CNIH3: variants seen among roughly 807,000 people sequenced by gnomAD.
CNIH3 encodes the protein cornichon family AMPA receptor auxiliary protein 3, also known as protein cornichon homolog 3.
In CNIH3, 14 loss-of-function variants were observed where a neutral mutation model predicts 24.1. The ratio of observed to expected loss-of-function variants is 0.58; its 90% CI spans 0.38 to 0.91. The LOEUF is 0.91. CNIH3 is among the 40% of genes least tolerant of loss of function. The probability of loss-of-function intolerance (pLI) is 0.00; values close to 1 mark genes in which losing one functional copy is unlikely to be tolerated. For synonymous variants in CNIH3, 68 were observed against 73.8 expected, an observed-to-expected ratio of 0.92 and a Z score of 0.40; for missense variants, 178 against 196.8, an observed-to-expected ratio of 0.90 and a Z score of 0.57.
intron 3 of CNIH3, among the ~76,000 whole-genome samples, chr1:224,553,472 C>T (rs1321887218): frequency 6.6e-6 from 1 of 152,108 alleles, no homozygotes; most frequent in Non-Finnish European, 1.5e-5. Flanking sequence ...CACTGGGAGA[C>T]CTCTGGTGCG....
In CNIH3 at chr1:224,458,174, T is replaced by A. The variant is rs1675757880; in HGVS notation, n.203+23312T>A. On this transcript the variant is annotated intron_variant and non_coding_transcript_variant, in intron 1 of 5. Transcript: ENST00000471578. This position sits in a 1 kb window ranked among gnomAD's most constrained non-coding sequence, Gnocchi z 4.3. ...TGACGTACGGCTGGATTCACTCTGA[T>A]CTCATTCACTGACAGTGGTGGGAGA... Among the ~76,000 whole-genome samples, 1 of 152,212 alleles carries A rather than the reference T, an allele frequency of 6.6e-6. No homozygotes were observed. Among genetic ancestry groups the A allele is most frequent in the South Asian group, 2.1e-4 (1 of 4,832 alleles).
At chr1:224,486,840 T>C (rs1677049999) in intron 1 of CNIH3, among the ~76,000 whole-genome samples, 1 of 152,232 alleles carries the variant, frequency 6.6e-6, no homozygotes, top group African/African-American at 2.4e-5. Context: ...TGATGCACAG[T>C]ACTAACGCAA....
chr1:224,608,086 G>T (rs1022396707), intron 3 of CNIH3, among the ~76,000 whole-genome samples: 9 of 152,096 alleles, frequency 5.9e-5, no homozygotes, highest in Admixed American at 4.6e-4. Context: ...TCAACCAAGG[G>T]GCATAAGGCA....
At chr1:224,728,950 G>A (rs1689176368) in intron 3 of CNIH3, among the ~76,000 whole-genome samples, 1 of 152,180 alleles carries the variant, frequency 6.6e-6, no homozygotes, top group African/African-American at 2.4e-5. Flanking sequence ...GCAGAATGCT[G>A]GACAGAGGAA....
chr1:224,573,416 G>C, intron 4 of CNIH3, among the ~76,000 whole-genome samples: 1 of 152,134 alleles, frequency 6.6e-6, no homozygotes, highest in Non-Finnish European at 1.5e-5. Flanking sequence ...AGGAAAAGCC[G>C]AGCTCAGCCG....
At chr1:224,700,572 T>C (rs1439789777) in intron 3 of CNIH3, among the ~76,000 whole-genome samples, 1 of 152,228 alleles carries the variant, frequency 6.6e-6, no homozygotes, top group Non-Finnish European at 1.5e-5. Context: ...CAGATGTGCT[T>C]TAGAGAAAGA....
At chr1:224,738,207 G>T (rs1689694265) in intron 5 of CNIH3, among the ~76,000 whole-genome samples, 1 of 152,206 alleles carries the variant, frequency 6.6e-6, no homozygotes. Context: ...AATTGGGGCT[G>T]CACACTCACC....
At chr1:224,721,142 A>G (rs982818137) in intron 3 of CNIH3, among the ~76,000 whole-genome samples, 2 of 152,044 alleles carry the variant, frequency 1.3e-5, no homozygotes, top group African/African-American at 4.8e-5. Flanking sequence ...CCTGTGCTAC[A>G]CCTGGTCATT....
chr1:224,551,109 T>C (rs1679903391), intron 3 of CNIH3, among the ~76,000 whole-genome samples: 1 of 152,000 alleles, frequency 6.6e-6, no homozygotes, highest in Non-Finnish European at 1.5e-5. Flanking sequence ...GGAACACTTT[T>C]ACACTGTTGG....
intron 3 of CNIH3, among the ~76,000 whole-genome samples, chr1:224,700,721 T>G (rs1687440508): frequency 6.6e-6 from 1 of 152,112 alleles, no homozygotes; most frequent in Non-Finnish European, 1.5e-5. Flanking sequence ...AGGGACTGGG[T>G]CCTGCCTCTC....
At chr1:224,675,695 A>G (rs1352044642) in intron 1 of CNIH3, among the ~76,000 whole-genome samples, 1 of 152,260 alleles carries the variant, frequency 6.6e-6, no homozygotes, top group Non-Finnish European at 1.5e-5. Flanking sequence ...AAAAAGATGT[A>G]CAGATGACAG....
At chr1:224,592,067 T>A (rs1681780219), downstream of CNIH3, among the ~76,000 whole-genome samples, 1 of 152,130 alleles carries the variant, frequency 6.6e-6, no homozygotes, top group Admixed American at 6.5e-5. Flanking sequence ...GGCAGGACTT[T>A]TTTTTTGTCC....
At chr1:224,652,310 G>A (rs985553469) in intron 1 of CNIH3, among the ~76,000 whole-genome samples, 1 of 152,086 alleles carries the variant, frequency 6.6e-6, no homozygotes, top group African/African-American at 2.4e-5. Flanking sequence ...GACATAAGGT[G>A]GGGGAGTATA....
chr1:224,501,583 A>AT lies in CNIH3; in HGVS notation n.204-14144dup, dbSNP rs1222035465. 9.0e-3 allele frequency among the ~76,000 whole-genome samples: 1,263 copies of AT among 140,878 alleles called. 16 individuals are homozygous for AT. The highest frequency in any genetic ancestry group is 0.027 in the East Asian group (133 of 4,868). 92.4% of individuals were successfully genotyped at this position (140,878 alleles called of 152,430 possible). The stretch of plus-strand genomic sequence containing the variant: ...TAATCATGATAATGTTTTATACAGA[A>AT]TTTTTTTTTTTTTTGGAGATGGAAT... On this transcript the variant is annotated intron_variant and non_coding_transcript_variant, in intron 1 of 5. Transcript: ENST00000471578.
exon 1 of CNIH3, chr1:224,434,738 C>A: frequency 1.0e-6 from 1 of 986,616 alleles, no homozygotes; most frequent in South Asian, 4.5e-5. Flanking sequence ...CGCCTCTGTC[C>A]TCGGATCCGC....
chr1:224,711,525 T>C (rs1688146397), intron 3 of CNIH3, among the ~76,000 whole-genome samples: 2 of 152,054 alleles, frequency 1.3e-5, no homozygotes, highest in South Asian at 4.1e-4. Context: ...GTGGGCGCAG[T>C]GGCTCACATC....
chr1:224,685,687 G>C (rs1027600106), intron 3 of CNIH3, among the ~76,000 whole-genome samples: 1 of 152,176 alleles, frequency 6.6e-6, no homozygotes, highest in Non-Finnish European at 1.5e-5. Flanking sequence ...GATAGAAGGG[G>C]AAAATACTTT....
At chr1:224,526,286 G>T (rs772057492) in intron 2 of CNIH3, among the ~76,000 whole-genome samples, 1 of 152,176 alleles carries the variant, frequency 6.6e-6, no homozygotes, top group African/African-American at 2.4e-5. Context: ...CAATGTGATC[G>T]TATTAAGAAG....
chr1:224,554,536 A>G (rs1297265118), intron 3 of CNIH3, among the ~76,000 whole-genome samples: 1 of 151,994 alleles, frequency 6.6e-6, no homozygotes, highest in East Asian at 1.9e-4. Context: ...TTCCCTAAAC[A>G]ATATAGTATT....
Sources: gnomAD v4.1 joint callset for allele counts (sites outside exome capture counted in the v4.1 genomes callset) on GRCh38, gnomAD v4.1.1 for gene constraint, Gnocchi (gnomAD v3.1) non-coding constraint, MANE v1.5 for transcripts, NCBI Gene and HGNC (gene_info 2026-07-23, HGNC 2026-07-21) for gene names.